The following OSBP2 variants were observed in gnomAD, a reference collection of about 807,000 sequenced individuals.
The protein encoded by OSBP2 is oxysterol binding protein 2.
In OSBP2, 66 loss-of-function variants were observed where a neutral mutation model predicts 96.0. That is an observed-to-expected ratio of 0.69 (90% CI 0.56 to 0.84). The LOEUF is 0.84. Among genes scored for constraint, OSBP2 ranks in the 40% least tolerant of loss-of-function variants. The probability of loss-of-function intolerance (pLI) is 0.00; values close to 1 mark genes in which losing one functional copy is unlikely to be tolerated. For synonymous variants in OSBP2, 525 were observed against 520.9 expected (o/e 1.01, Z -0.11); for missense variants, 1,038 against 1,222.7 (o/e 0.85, Z 2.25).
chr22:30,758,479 C>G (rs1602224496), intron 2 of OSBP2, among the ~76,000 whole-genome samples: 1 of 152,144 alleles, frequency 6.6e-6, no homozygotes, highest in East Asian at 1.9e-4. Flanking sequence ...TAGCCACAAG[C>G]AGACTAGAGA....
rs188570455 is a variant in OSBP2, at chr22:30,727,721, G to A, written c.645-13440G>A. On this transcript the variant is annotated intron_variant, in intron 1 of 13. Transcript: ENST00000332585. ...AAACTTTAACCTAAGTCTAATATGCGTAGAGAAAAGTAGACAAATAAGTGT... is the reference window on the plus strand; with the variant it reads ...AAACTTTAACCTAAGTCTAATATGCATAGAGAAAAGTAGACAAATAAGTGT... 4.2e-4 allele frequency among the ~76,000 whole-genome samples: 64 copies of A among 152,176 alleles called. 1 individual carries two copies. Among genetic ancestry groups the A allele is most frequent in the Non-Finnish European group, 6.9e-4 (47 of 68,008 alleles).
At chr22:30,784,464 G>A (rs1371987310) in intron 2 of OSBP2, among the ~76,000 whole-genome samples, 3 of 151,960 alleles carry the variant, frequency 2.0e-5, no homozygotes, top group Non-Finnish European at 4.4e-5. Flanking sequence ...GTGCTATGTT[G>A]CCCAGGCTGG....
chr22:30,847,886 G>T (rs1326539214), intron 2 of OSBP2, among the ~76,000 whole-genome samples: 1 of 152,050 alleles, frequency 6.6e-6, no homozygotes, highest in African/African-American at 2.4e-5. Flanking sequence ...AATCTGGCTA[G>T]AGGTTTATAG....
rs554169104 is a variant in OSBP2, at chr22:30,771,855, C to G, written c.853+30486C>G. Among the ~76,000 whole-genome samples, 5 of 152,336 alleles carry G rather than the reference C, an allele frequency of 3.3e-5. No homozygotes were observed. The South Asian group carries it at 8.3e-4, about 25-fold the overall frequency. The stretch of plus-strand genomic sequence containing the variant: ...GGCAAGAGGCAGGACCTGGCTGTTT[C>G]ATGATCTCCCTGCTCTCCACGGCTT... On this transcript the variant is annotated intron_variant, in intron 2 of 13. Coordinates refer to ENST00000332585, the MANE Select transcript of OSBP2 (RefSeq NM_030758.4).
chr22:30,880,036 C>G (rs1207382144), intron 3 of OSBP2, among the ~76,000 whole-genome samples: 5 of 151,560 alleles, frequency 3.3e-5, no homozygotes, highest in Non-Finnish European at 7.4e-5. Flanking sequence ...TGGGCAAGAG[C>G]AAGACTCTGT....
chr22:30,830,242 A>ATT (rs2147001225), intron 2 of OSBP2, among the ~76,000 whole-genome samples: 1 of 152,320 alleles, frequency 6.6e-6, no homozygotes, highest in Admixed American at 6.5e-5. Flanking sequence ...CCAAAGATAA[A>ATT]TTTCCTTTTA....
intron 2 of OSBP2, among the ~76,000 whole-genome samples, chr22:30,775,657 C>A (rs2090423048): frequency 6.6e-6 from 1 of 152,060 alleles, no homozygotes; most frequent in Non-Finnish European, 1.5e-5. Context: ...AATTCAAGAC[C>A]ACGATCCTAC....
At chr22:30,900,178 C>G (rs927433311) in intron 12 of OSBP2, among the ~76,000 whole-genome samples, 1 of 151,478 alleles carries the variant, frequency 6.6e-6, no homozygotes, top group African/African-American at 2.4e-5. Context: ...CACTTGAACC[C>G]AGGAGGCAAA....
At position 30,851,730 on chromosome 22, in the gene OSBP2, G is replaced by T. The variant is rs1436243628; in HGVS notation, c.854-18699G>T. Among the ~76,000 whole-genome samples, 3 of 152,182 alleles carry T rather than the reference G, an allele frequency of 2.0e-5. No homozygotes were observed. The East Asian group carries it at 5.8e-4, about 29-fold the overall frequency. On this transcript the variant is annotated intron_variant, in intron 2 of 13. Transcript: ENST00000332585. The stretch of plus-strand genomic sequence containing the variant: ...GTTTATTTCTGGTTTTAGGAATAAG[G>T]AAAATTTATTTTAGAGAAAAGAGTT...
At chr22:30,737,558 G>T (rs1022241569) in intron 1 of OSBP2, among the ~76,000 whole-genome samples, 7 of 151,472 alleles carry the variant, frequency 4.6e-5, no homozygotes, top group African/African-American at 1.7e-4. Flanking sequence ...TGAACTCCTG[G>T]CCTCAAGTGA....
chr22:30,732,294 A>C (rs1330365228), intron 1 of OSBP2, among the ~76,000 whole-genome samples: 1 of 152,110 alleles, frequency 6.6e-6, no homozygotes, highest in Admixed American at 6.5e-5. Flanking sequence ...ACAAGAGTGA[A>C]ACTCTGTCTC....
rs368929133 is a variant in OSBP2, at chr22:30,893,589, G to A, written c.2094+23G>A. On this transcript the variant is annotated intron_variant, in intron 10 of 13. Transcript: ENST00000332585. ...CAGGTCAGGGGCGCCCTTGGGGAGG[G>A]GGTGCATGGCCCGGGGGCTGGCCGC... is the stretch of plus-strand genomic sequence containing the variant. The A allele has an allele frequency of 1.4e-5, 22 of 1,613,044 alleles. No homozygotes were observed. The African/African-American group carries it at 2.4e-4, about 18-fold the overall frequency.
At chr22:30,854,191 T>G (rs1274179301) in intron 2 of OSBP2, among the ~76,000 whole-genome samples, 1 of 152,184 alleles carries the variant, frequency 6.6e-6, no homozygotes, top group African/African-American at 2.4e-5. Context: ...CTGTTGTCTG[T>G]GCTGTGTCCT....
At chr22:30,727,288 C>T (rs926536747) in intron 1 of OSBP2, among the ~76,000 whole-genome samples, 3 of 152,174 alleles carry the variant, frequency 2.0e-5, no homozygotes, top group African/African-American at 4.8e-5. Flanking sequence ...ACTGCTTTTC[C>T]TCCTGTCTGT....
In OSBP2 at chr22:30,694,972, G is replaced by A. The variant is rs1256725780; in HGVS notation, c.63G>A (p.Ser21=). 5 of 1,512,518 alleles carry A rather than the reference G, an allele frequency of 3.3e-6. No individual in the cohort carries two copies. The highest frequency in any genetic ancestry group is 4.4e-6 in the Non-Finnish European group (5 of 1,138,868). 93.7% of individuals were successfully genotyped at this position (1,512,518 alleles called of 1,614,324 possible). ...GTGGCGGCCGCTCCCGCGGGCTCTC[G>A]TCGCTGTTCACGGTTGTCCCCTGCC... The part of the protein sequence containing the change: ...GGCGGRSRGL[S]SLFTVVPCLS... Residue 21 remains serine, a synonymous_variant, in exon 1 of 14, where the codon TCG becomes TCA. Transcript: ENST00000332585.
chr22:30,738,237 C>T (rs988694355), intron 1 of OSBP2, among the ~76,000 whole-genome samples: 2 of 152,068 alleles, frequency 1.3e-5, no homozygotes, highest in Non-Finnish European at 2.9e-5. Flanking sequence ...GTGGTCTTTG[C>T]CCCTGCTGCT....
intron 2 of OSBP2, among the ~76,000 whole-genome samples, chr22:30,750,364 G>T (rs2090059763): frequency 2.0e-5 from 3 of 152,198 alleles, no homozygotes; most frequent in Admixed American, 6.5e-5. Context: ...GATGGTAAAT[G>T]CAAAGTGTGT....
intron 2 of OSBP2, among the ~76,000 whole-genome samples, chr22:30,779,094 C>T (rs745620632): frequency 1.3e-5 from 2 of 150,724 alleles, no homozygotes; most frequent in East Asian, 3.9e-4. Flanking sequence ...TATATATATA[C>T]AGATAGATAC....
At chr22:30,829,690 C>T (rs1259875079) in intron 2 of OSBP2, among the ~76,000 whole-genome samples, 1 of 152,226 alleles carries the variant, frequency 6.6e-6, no homozygotes, top group Non-Finnish European at 1.5e-5. Flanking sequence ...CGAGACTCTT[C>T]CATTTGCTGG....
Sources: gnomAD v4.1 joint callset for allele counts (sites outside exome capture counted in the v4.1 genomes callset) on GRCh38, gnomAD v4.1.1 for gene constraint, MANE v1.5 for transcripts, NCBI Gene and HGNC (gene_info 2026-07-23, HGNC 2026-07-21) for gene names.